Variants in CNGA3 observed in about 807,000 individuals in gnomAD.
CNGA3 encodes the protein cyclic nucleotide-gated channel alpha-3.
Under a neutral mutation model 46.6 loss-of-function variants are expected in CNGA3, and 42 were observed. The ratio of observed to expected loss-of-function variants is 0.90; its 90% CI spans 0.70 to 1.17. CNGA3 has a LOEUF of 1.17. CNGA3 is among the 50% of genes most tolerant of loss of function. CNGA3 has a pLI of 0.00. For synonymous variants in CNGA3, 394 were observed against 369.4 expected, an observed-to-expected ratio of 1.07 and a Z score of -0.76; for missense variants, 893 against 890.7, an observed-to-expected ratio of 1.00 and a Z score of -0.03.
At chr2:98,367,633 C>G (rs544310294) in intron 1 of CNGA3, among the ~76,000 whole-genome samples, 4 of 152,126 alleles carry the variant, frequency 2.6e-5, no homozygotes, top group Admixed American at 6.6e-5. Flanking sequence ...GTGCTTCCCC[C>G]CTAGTTCCCT....
intron 4 of CNGA3, 105 bp downstream of exon 4, chr2:98,380,459 C>G (rs978363118): frequency 1.5e-6 from 2 of 1,372,252 alleles, no homozygotes; most frequent in South Asian, 2.5e-5. Context: ...TGGCCTGGAA[C>G]GTCATCCCCA....
At position 98,390,919 on chromosome 2, in the gene CNGA3, C is replaced by T. The variant is rs376300600; in HGVS notation, c.567-945C>T. ...GAGATGTGTGGGACTGGGATGCATG[C>T]GAGAGGAGACGATGCCTCTGGGGCT... On this transcript the variant is annotated intron_variant, in intron 6 of 7. Coordinates refer to ENST00000272602, the MANE Select transcript of CNGA3 (RefSeq NM_001298.3). Among the ~76,000 whole-genome samples, 38 of 152,250 alleles carry T rather than the reference C, an allele frequency of 2.5e-4. No individual in the cohort carries two copies. The South Asian group carries it at 6.6e-3, about 27-fold the overall frequency.
At chr2:98,395,516 T>A (rs188223976) in intron 7 of CNGA3, among the ~76,000 whole-genome samples, 1 of 152,300 alleles carries the variant, frequency 6.6e-6, no homozygotes, top group Admixed American at 6.5e-5. Context: ...TTTTAAAGGA[T>A]CCTTTTTTAA....
chr2:98,386,826 G>T (rs1039875357), intron 5 of CNGA3, among the ~76,000 whole-genome samples: 1 of 152,182 alleles, frequency 6.6e-6, no homozygotes, highest in Non-Finnish European at 1.5e-5. Context: ...CTCGAAAGGT[G>T]CAGCCAGCAG....
chr2:98,368,155 T>C (rs1285266228), intron 1 of CNGA3, among the ~76,000 whole-genome samples: 1 of 152,242 alleles, frequency 6.6e-6, no homozygotes, highest in Admixed American at 6.5e-5. Context: ...ACTTAAACTA[T>C]CAAACATCAG....
intron 1 of CNGA3, among the ~76,000 whole-genome samples, chr2:98,347,706 G>T (rs1574353179): frequency 6.6e-6 from 1 of 152,166 alleles, no homozygotes; most frequent in Non-Finnish European, 1.5e-5. Context: ...AGCGAAGCCC[G>T]GCACCCCGAC....
chr2:98,360,075 C>T (rs1691992410), intron 1 of CNGA3, among the ~76,000 whole-genome samples: 1 of 152,246 alleles, frequency 6.6e-6, no homozygotes, highest in Non-Finnish European at 1.5e-5. Flanking sequence ...ATACCAGTTC[C>T]CTCAATGACT....
rs1036889783 is a variant in CNGA3, at chr2:98,397,592, T to C, written c.*337T>C. ...TGGAATCTGCAAGGTGTTTTTAGGC[T>C]TTTTAATCTGATTTTCTTATAAATG... On this transcript the variant is annotated 3_prime_UTR_variant, in exon 8 of 8. Coordinates refer to ENST00000272602, the MANE Select transcript of CNGA3 (RefSeq NM_001298.3). The C allele has an allele frequency of 1.6e-5, 6 of 368,758 alleles. No individual in the cohort carries two copies. Among genetic ancestry groups the C allele is most frequent in the African/African-American group, 1.2e-4 (6 of 48,380 alleles). The allele number at this position is 368,758 out of a possible 1,614,324, so 22.8% of individuals were successfully genotyped here. A position where few individuals can be genotyped will look rare whatever the true frequency, so the allele number is the denominator to read the frequency against.
intron 1 of CNGA3, among the ~76,000 whole-genome samples, chr2:98,360,657 A>G (rs1021756739): frequency 6.6e-6 from 1 of 152,256 alleles, no homozygotes; most frequent in African/African-American, 2.4e-5. Context: ...ATCTAAAAAC[A>G]TATAAACATT....
intron 1 of CNGA3, among the ~76,000 whole-genome samples, chr2:98,354,410 G>A (rs1691834825): frequency 1.3e-5 from 2 of 152,022 alleles, no homozygotes; most frequent in South Asian, 2.1e-4. Context: ...TCAGATAAAT[G>A]TCTATTCAAA....
intron 1 of CNGA3, among the ~76,000 whole-genome samples, chr2:98,362,388 C>T (rs1396143059): frequency 1.3e-5 from 2 of 151,238 alleles, no homozygotes; most frequent in Admixed American, 1.3e-4. Context: ...ACCATATTGG[C>T]CAGGCTGGTA....
intron 6 of CNGA3, among the ~76,000 whole-genome samples, chr2:98,391,657 G>A (rs1692790883): frequency 6.6e-6 from 1 of 152,154 alleles, no homozygotes; most frequent in African/African-American, 2.4e-5. Context: ...CTCTTCTCAG[G>A]AGTTCTGTGA....
At chr2:98,389,974 G>A (rs752814723) in intron 6 of CNGA3, among the ~76,000 whole-genome samples, 200 bp downstream of exon 6, 1 of 152,122 alleles carries the variant, frequency 6.6e-6, no homozygotes, top group Admixed American at 6.5e-5. Context: ...AGCATGGGTG[G>A]GGAATTGAGC....
intron 6 of CNGA3, among the ~76,000 whole-genome samples, chr2:98,391,260 G>A (rs1692780315): frequency 6.6e-6 from 1 of 152,164 alleles, no homozygotes; most frequent in Admixed American, 6.5e-5. Flanking sequence ...GCTTGGGCAA[G>A]CTGCTGCTCT....
rs1420930355 is a variant in CNGA3, at chr2:98,369,077, G to T, written c.-37-862G>T. Among the ~76,000 whole-genome samples the T allele has an allele frequency of 2.0e-5, 3 of 152,240 alleles. No homozygotes were observed. The East Asian group carries it at 5.8e-4, about 29-fold the overall frequency. ...CCCCTCTCATTCTAACTTGGTGGCT[G>T]TTGGGCTTTTAGTTGTTTTACAAAA... On this transcript the variant is annotated intron_variant, in intron 1 of 7. Coordinates refer to ENST00000272602, the MANE Select transcript of CNGA3 (RefSeq NM_001298.3).
chr2:98,363,901 C>A (rs1266571824), intron 1 of CNGA3, among the ~76,000 whole-genome samples: 4 of 152,168 alleles, frequency 2.6e-5, no homozygotes, highest in Admixed American at 6.5e-5. Flanking sequence ...GTGTTAAAGT[C>A]TCCCGCTGTT....
intron 2 of CNGA3, among the ~76,000 whole-genome samples, chr2:98,375,638 G>A (rs150148472): frequency 2.8e-3 from 419 of 152,336 alleles, no homozygotes; most frequent in Non-Finnish European, 4.2e-3. Flanking sequence ...TATAAGGGGA[G>A]AATTCAATCA....
intron 2 of CNGA3, chr2:98,377,429 A>G: frequency 2.1e-6 from 1 of 468,528 alleles, no homozygotes; most frequent in Non-Finnish European, 3.9e-6. Context: ...CCAGGCCAGC[A>G]TGTACTGCCA....
At chr2:98,378,576 T>G (rs1000216252) in intron 3 of CNGA3, among the ~76,000 whole-genome samples, 1 of 152,250 alleles carries the variant, frequency 6.6e-6, no homozygotes, top group Non-Finnish European at 1.5e-5. Context: ...TTCTTCATGC[T>G]TTTCATTATG....
Sources: gnomAD v4.1 joint callset for allele counts (sites outside exome capture counted in the v4.1 genomes callset) on GRCh38, gnomAD v4.1.1 for gene constraint, MANE v1.5 for transcripts, NCBI Gene and HGNC (gene_info 2026-07-23, HGNC 2026-07-21) for gene names.